The following SHROOM3 variants were observed in gnomAD, a reference collection of about 807,000 sequenced individuals.
The protein encoded by SHROOM3 is shroom family member 3, also known as protein Shroom3.
Under a neutral mutation model 138.6 loss-of-function variants are expected in SHROOM3, and 47 were observed. That is an observed-to-expected ratio of 0.34 (90% CI 0.27 to 0.43). SHROOM3 has a LOEUF of 0.43. Among genes scored for constraint, SHROOM3 ranks in the 20% least tolerant of loss-of-function variants. The pLI is 1.00. For synonymous variants in SHROOM3, 1,062 were observed against 1,063.3 expected, an observed-to-expected ratio of 1.00 and a Z score of 0.02; for missense variants, 2,491 against 2,596.5, an observed-to-expected ratio of 0.96 and a Z score of 0.88.
chr4:76,672,386 C>T (rs1718908031), intron 2 of SHROOM3, among the ~76,000 whole-genome samples: 1 of 143,098 alleles, frequency 7.0e-6, no homozygotes, highest in Non-Finnish European at 1.5e-5. Context: ...ATTCTTTTTA[C>T]TGGAACTTAC....
At chr4:76,717,783 GGT>G (rs1056703849) in intron 3 of SHROOM3, among the ~76,000 whole-genome samples, 1 of 152,102 alleles carries the variant, frequency 6.6e-6, no homozygotes, top group African/African-American at 2.4e-5. Context: ...TCAAAGAAAA[GGT>G]ATAGTCTTCT....
chr4:76,779,290 C>G lies in SHROOM3; in HGVS notation c.*113C>G, dbSNP rs985129042. ...ACTATCTGGGTTATTGGTGTTTGTT[C>G]CTGATGAAAGGAAAAAAATTCTCTC... On this transcript the variant is annotated 3_prime_UTR_variant, in exon 11 of 11. Transcript: ENST00000296043. 83 of 1,427,644 alleles carry G rather than the reference C, an allele frequency of 5.8e-5. No individual in the cohort carries two copies. The highest frequency in any genetic ancestry group is 6.7e-5 in the Non-Finnish European group (72 of 1,072,910). The allele number at this position is 1,427,644 out of a possible 1,614,324, so 88.4% of individuals were successfully genotyped here.
intron 1 of SHROOM3, among the ~76,000 whole-genome samples, chr4:76,495,338 A>G (rs1284137647): frequency 6.6e-6 from 1 of 152,174 alleles, no homozygotes; most frequent in Non-Finnish European, 1.5e-5. Context: ...AAGGAGCAAA[A>G]AAAATGAGGT....
chr4:76,449,354 T>C (rs1197471851), intron 1 of SHROOM3, among the ~76,000 whole-genome samples: 1 of 152,146 alleles, frequency 6.6e-6, no homozygotes, highest in Non-Finnish European at 1.5e-5. Flanking sequence ...TAACTGTTTT[T>C]TTAAGTCCAG....
At chr4:76,526,179 C>T (rs1211219420) in intron 1 of SHROOM3, among the ~76,000 whole-genome samples, 1 of 152,098 alleles carries the variant, frequency 6.6e-6, no homozygotes, top group Non-Finnish European at 1.5e-5. Context: ...CCAGCCTGGC[C>T]AAGATGGTGA....
intron 10 of SHROOM3, among the ~76,000 whole-genome samples, chr4:76,773,772 G>A (rs1722452345): frequency 6.6e-6 from 1 of 152,188 alleles, no homozygotes; most frequent in African/African-American, 2.4e-5. Flanking sequence ...CAGACAGCAA[G>A]GGAGCCCAGT....
chr4:76,669,448 C>G (rs1479343383), intron 2 of SHROOM3, among the ~76,000 whole-genome samples: 2 of 152,002 alleles, frequency 1.3e-5, no homozygotes, highest in Non-Finnish European at 2.9e-5. Flanking sequence ...TGGTAAAACC[C>G]TGTCTCTACT....
At chr4:76,757,444 G>T (rs1721854450) in intron 8 of SHROOM3, among the ~76,000 whole-genome samples, 1 of 152,204 alleles carries the variant, frequency 6.6e-6, no homozygotes, top group Non-Finnish European at 1.5e-5. Context: ...TATCAGAGCT[G>T]CTCTGGCAGA....
intron 2 of SHROOM3, among the ~76,000 whole-genome samples, chr4:76,676,944 CAAAAAAAAAAA>C (rs58270392): frequency 2.5e-5 from 2 of 79,044 alleles, no homozygotes; most frequent in South Asian, 3.7e-4. Flanking sequence ...CTCCGTCTCA[CAAAAAAAAAAA>C]AAAAAAAAAA....
chr4:76,732,654 GC>G (rs1720920870), intron 4 of SHROOM3, among the ~76,000 whole-genome samples: 1 of 152,180 alleles, frequency 6.6e-6, no homozygotes, highest in Non-Finnish European at 1.5e-5. Context: ...GACTACTTTT[GC>G]TTTACAGGCA....
At chr4:76,554,077 T>A (rs979044893) in intron 1 of SHROOM3, among the ~76,000 whole-genome samples, 1 of 152,324 alleles carries the variant, frequency 6.6e-6, no homozygotes. Context: ...TCGAATGGTT[T>A]CACTGCCCTA....
intron 2 of SHROOM3, among the ~76,000 whole-genome samples, chr4:76,609,045 C>T (rs570966317): frequency 6.6e-6 from 1 of 152,160 alleles, no homozygotes; most frequent in African/African-American, 2.4e-5. Context: ...AATAATATGT[C>T]TGACAAGGTG....
At chr4:76,586,430 C>T in intron 2 of SHROOM3, 1 of 985,500 alleles carries the variant, frequency 1.0e-6, no homozygotes, top group Non-Finnish European at 1.2e-6. Flanking sequence ...CAACAGATAA[C>T]TGAGGACAAT....
At chr4:76,561,285 T>C (rs1733591000) in intron 2 of SHROOM3, among the ~76,000 whole-genome samples, 1 of 152,106 alleles carries the variant, frequency 6.6e-6, no homozygotes, top group Admixed American at 6.5e-5. Flanking sequence ...GTAGTACTAG[T>C]AGTAGTAGTA....
chr4:76,739,556 T>C lies in SHROOM3; in HGVS notation c.1383T>C (p.Pro461=). The C allele has an allele frequency of 6.2e-7, 1 of 1,614,194 alleles. No individual in the cohort carries two copies. The change falls in exon 5 of 11, where the codon CCT becomes CCC. Residue 461 remains proline (P), a synonymous_variant. Coordinates refer to ENST00000296043, the MANE Select transcript of SHROOM3 (RefSeq NM_020859.4). ...NYTQKAQPGQ[P]LLPTSIYPVP... is the part of the protein sequence containing the mutation. ...CCCAGAAGGCCCAACCTGGCCAACC[T>C]CTGCTGCCGACCAGCATCTACCCGG...
chr4:76,643,361 T>C (rs184660624), intron 2 of SHROOM3, among the ~76,000 whole-genome samples: 61 of 152,230 alleles, frequency 4.0e-4, no homozygotes, highest in African/African-American at 1.4e-3. Context: ...ACTTGACAGA[T>C]AAACTGAGGC....
intron 1 of SHROOM3, among the ~76,000 whole-genome samples, chr4:76,449,776 C>T (rs1206212845): frequency 6.6e-6 from 1 of 152,162 alleles, no homozygotes; most frequent in Non-Finnish European, 1.5e-5. Flanking sequence ...TAAAGAGAAA[C>T]TAAATATGCT....
chr4:76,645,573 A>G (rs1735795709), intron 2 of SHROOM3: 1 of 152,254 alleles, frequency 6.6e-6, no homozygotes, highest in Non-Finnish European at 1.5e-5. Context: ...TTCTGGGAGA[A>G]CATCCTTAAA....
chr4:76,747,370 G>A lies in SHROOM3; in HGVS notation c.3754-1647G>A, dbSNP rs79687064. On this transcript the variant is annotated intron_variant, in intron 5 of 10. Transcript: ENST00000296043. ...ATGCAATAGGAATTTATCTTCCTTG[G>A]GCTTGTATCAGATTGGGAAGATATT... Among the ~76,000 whole-genome samples the A allele has an allele frequency of 5.6e-3, 848 of 152,058 alleles. 11 individuals carry two copies. Among genetic ancestry groups the A allele is most frequent in the African/African-American group, 0.019 (784 of 41,476 alleles).
Sources: allele counts gnomAD v4.1 joint callset (sites outside exome capture counted in the v4.1 genomes callset), GRCh38; gene constraint gnomAD v4.1.1; transcripts MANE v1.5; gene names NCBI Gene and HGNC (gene_info 2026-07-23, HGNC 2026-07-21).